Variants in SDCCAG8 observed in about 807,000 individuals in gnomAD.
SDCCAG8 encodes serologically defined colon cancer antigen 8.
In SDCCAG8, 74 loss-of-function variants were observed where a neutral mutation model predicts 101.8. That is an observed-to-expected ratio of 0.73 (90% confidence interval 0.60 to 0.88). SDCCAG8 has a LOEUF of 0.88. SDCCAG8 is among the 40% of genes least tolerant of loss of function. The pLI is 0.00. For synonymous variants in SDCCAG8, 281 were observed against 292.9 expected (o/e 0.96, Z 0.41); for missense variants, 787 against 822.6 (o/e 0.96, Z 0.53).
chr1:243,463,956 A>G (rs1659641225), intron 16 of SDCCAG8, among the ~76,000 whole-genome samples: 1 of 152,148 alleles, frequency 6.6e-6, no homozygotes, highest in Non-Finnish European at 1.5e-5. Context: ...GGTAGGTGCC[A>G]TTGGCTAGAG....
chr1:243,440,583 TG>T (rs1377126094), intron 16 of SDCCAG8, among the ~76,000 whole-genome samples: 8 of 152,182 alleles, frequency 5.3e-5, no homozygotes, highest in Admixed American at 3.9e-4. Context: ...TGGAGCTGTG[TG>T]TAAGGCCCTG....
At chr1:243,286,894 A>G (rs1357164328) in intron 5 of SDCCAG8, among the ~76,000 whole-genome samples, 1 of 152,264 alleles carries the variant, frequency 6.6e-6, no homozygotes, top group Non-Finnish European at 1.5e-5. Context: ...AAGGTTTTAC[A>G]TAGCTTAATC....
chr1:243,355,069 G>A (rs2076308410), intron 12 of SDCCAG8, among the ~76,000 whole-genome samples: 6 of 152,180 alleles, frequency 3.9e-5, no homozygotes, highest in Admixed American at 3.9e-4. Context: ...TGAGTTGCAA[G>A]GTGTTTAGAG....
At position 243,258,615 on chromosome 1, in the gene SDCCAG8, G is replaced by A. The variant is rs139411347; in HGVS notation, c.67+2375G>A. On this transcript the variant is annotated intron_variant, in intron 1 of 17. Coordinates refer to ENST00000366541, the MANE Select transcript of SDCCAG8 (RefSeq NM_006642.5). ...AGACTGGGTTTCGCCATGTTGGTCA[G>A]GCTGCTCTAGAACTCCTGACCTTAA... 1.4e-3 allele frequency among the ~76,000 whole-genome samples: 219 copies of A among 152,248 alleles called. 1 individual carries two copies. The highest frequency in any genetic ancestry group is 5.0e-3 in the African/African-American group (208 of 41,554).
intron 16 of SDCCAG8, among the ~76,000 whole-genome samples, chr1:243,434,932 G>A (rs10803142): frequency 0.44 from 66,428 of 152,060 alleles, 17,323 homozygotes; most frequent in East Asian, 0.78. Context: ...GGAAAAGGAG[G>A]CAACAAAACA....
chr1:243,421,689 C>T (rs924737587), intron 15 of SDCCAG8, among the ~76,000 whole-genome samples: 1 of 152,274 alleles, frequency 6.6e-6, no homozygotes, highest in South Asian at 2.1e-4. Context: ...TTTTGACCAT[C>T]AGGCAAGAGA....
intron 5 of SDCCAG8, among the ~76,000 whole-genome samples, chr1:243,287,404 CGTTTTTGAA>C (rs1470360315): frequency 3.4e-5 from 5 of 148,936 alleles, no homozygotes; most frequent in Non-Finnish European, 5.9e-5. Context: ...CTCTAATTTT[CGTTTTTGAA>C]GTTTTTTTTT....
chr1:243,289,347 A>G (rs1024236070), intron 5 of SDCCAG8, among the ~76,000 whole-genome samples: 4 of 152,130 alleles, frequency 2.6e-5, no homozygotes, highest in Non-Finnish European at 4.4e-5. Flanking sequence ...GATGGTGCCC[A>G]CCCAGATTAA....
chr1:243,430,924 C>T lies in SDCCAG8; in HGVS notation c.1985+4366C>T, dbSNP rs150692532. ...TGCTCAAGACCAGTTATGGGCCGGG[C>T]GTGGTGGCTCACGCCTGTAATCCCA... On this transcript the variant is annotated intron_variant, in intron 16 of 17. Coordinates refer to ENST00000366541, the MANE Select transcript of SDCCAG8 (RefSeq NM_006642.5). Among the ~76,000 whole-genome samples the T allele has an allele frequency of 5.8e-3, 883 of 152,098 alleles. 1 individual carries two copies. The highest frequency in any genetic ancestry group is 0.014 in the Middle Eastern group (4 of 294).
At chr1:243,330,431 T>G in intron 9 of SDCCAG8, 109 bp from the exon 10 acceptor site, 9 of 1,072,856 alleles carry the variant, frequency 8.4e-6, no homozygotes, top group Non-Finnish European at 1.3e-5. Flanking sequence ...CTAATGGGCT[T>G]TATAGTGAGT....
chr1:243,412,853 T>TC (rs398103910), intron 13 of SDCCAG8, among the ~76,000 whole-genome samples: 2 of 151,974 alleles, frequency 1.3e-5, no homozygotes, highest in Admixed American at 1.3e-4. Flanking sequence ...GTTTTTTTTT[T>TC]CCAACTGTAA....
chr1:243,348,036 TC>T (rs2075828016), intron 12 of SDCCAG8, among the ~76,000 whole-genome samples: 16 of 141,270 alleles, frequency 1.1e-4, no homozygotes, highest in Non-Finnish European at 1.4e-4. Flanking sequence ...TTTTTTTTTT[TC>T]TTTTTTTTTT....
intron 15 of SDCCAG8, among the ~76,000 whole-genome samples, chr1:243,419,378 A>G (rs775953479): frequency 2.6e-5 from 4 of 152,198 alleles, no homozygotes; most frequent in East Asian, 1.9e-4. Flanking sequence ...CTTGATTTGC[A>G]CCACATAGAT....
At chr1:243,367,056 G>A (rs544418647) in intron 12 of SDCCAG8, among the ~76,000 whole-genome samples, 1 of 151,858 alleles carries the variant, frequency 6.6e-6, no homozygotes, top group African/African-American at 2.4e-5. Context: ...TTTTGCTTTT[G>A]GATGATTTTT....
intron 12 of SDCCAG8, among the ~76,000 whole-genome samples, chr1:243,355,609 ATAT>A (rs1030642503): frequency 3.9e-5 from 6 of 151,946 alleles, no homozygotes; most frequent in African/African-American, 1.2e-4. Flanking sequence ...TTTATGATTA[ATAT>A]TATTATTTTG....
At chr1:243,428,128 C>T (rs2081464766) in intron 16 of SDCCAG8, among the ~76,000 whole-genome samples, 1 of 152,220 alleles carries the variant, frequency 6.6e-6, no homozygotes, top group Non-Finnish European at 1.5e-5. Context: ...CTAGAATGCT[C>T]TCACACATAG....
intron 12 of SDCCAG8, among the ~76,000 whole-genome samples, chr1:243,351,217 A>G (rs935836628): frequency 6.6e-6 from 1 of 152,192 alleles, no homozygotes; most frequent in African/African-American, 2.4e-5. Flanking sequence ...TGGTGATGAC[A>G]GAGTTGCTCT....
At chr1:243,404,319 C>A (rs1230515739) in intron 13 of SDCCAG8, among the ~76,000 whole-genome samples, 1 of 152,064 alleles carries the variant, frequency 6.6e-6, no homozygotes, top group Non-Finnish European at 1.5e-5. Flanking sequence ...TCTGTAGCTA[C>A]AGGAATGGTG....
At chr1:243,390,448 G>A (rs1447582102) in intron 13 of SDCCAG8, among the ~76,000 whole-genome samples, 1 of 152,236 alleles carries the variant, frequency 6.6e-6, no homozygotes, top group Non-Finnish European at 1.5e-5. Flanking sequence ...CACTGCCTGA[G>A]CCTGCTCTGC....
Sources: gnomAD v4.1 joint callset for allele counts (sites outside exome capture counted in the v4.1 genomes callset) on GRCh38, gnomAD v4.1.1 for gene constraint, MANE v1.5 for transcripts, NCBI Gene and HGNC (gene_info 2026-07-23, HGNC 2026-07-21) for gene names.